The following GOSR2 variants were observed in gnomAD, a reference collection of about 807,000 sequenced individuals.
The protein encoded by GOSR2 is 27 kDa Golgi SNARE protein.
A neutral mutation model predicts 27.9 loss-of-function variants in GOSR2; 20 were observed. The ratio of observed to expected loss-of-function variants is 0.72; its 90% CI spans 0.50 to 1.04. GOSR2 has a LOEUF of 1.04. GOSR2 is among the 50% of genes least tolerant of loss of function. The pLI, the probability that GOSR2 is intolerant of heterozygous loss-of-function variation, is 0.00. For synonymous variants in GOSR2, 91 were observed against 98.8 expected, an observed-to-expected ratio of 0.92 and a Z score of 0.47; for missense variants, 261 against 270.5, an observed-to-expected ratio of 0.97 and a Z score of 0.25.
chr17:46,941,530 C>G lies in GOSR2; in HGVS notation c.*2770C>G. ...TAAAATTACATATTCCTGGGGCCTA[C>G]CCCAGATCTGAATTAGAACCTTTTT... On this transcript the variant is annotated 3_prime_UTR_variant, in exon 6 of 6. Coordinates refer to ENST00000640051, the MANE Select transcript of GOSR2 (RefSeq NM_004287.5). 1 of 412,250 alleles carries G rather than the reference C, an allele frequency of 2.4e-6. No homozygotes were observed. The highest frequency in any genetic ancestry group is 3.3e-6 in the Non-Finnish European group (1 of 306,320). 25.5% of individuals were successfully genotyped at this position (412,250 alleles called of 1,614,324 possible).
chr17:46,969,813 G>A (rs2091372310), downstream of GOSR2, among the ~76,000 whole-genome samples: 4 of 152,266 alleles, frequency 2.6e-5, no homozygotes, highest in South Asian at 8.3e-4. Flanking sequence ...AAGGCATGAG[G>A]TCCCCCAACT....
At chr17:46,934,548 GCCT>G (rs2087952839) in intron 4 of GOSR2, among the ~76,000 whole-genome samples, 1 of 152,094 alleles carries the variant, frequency 6.6e-6, no homozygotes, top group African/African-American at 2.4e-5. Flanking sequence ...CAGAAGCACA[GCCT>G]CCTCTATCCT....
At chr17:46,929,242 G>C (rs544868814) in intron 1 of GOSR2, among the ~76,000 whole-genome samples, 95 of 152,266 alleles carry the variant, frequency 6.2e-4, no homozygotes, top group African/African-American at 2.0e-3. Flanking sequence ...TATAAAATGA[G>C]GATGATAATG....
chr17:46,973,787 C>T (rs1048683015), intron 6 of GOSR2, among the ~76,000 whole-genome samples: 2 of 151,800 alleles, frequency 1.3e-5, no homozygotes, highest in African/African-American at 4.8e-5. Context: ...CCACTTAAGT[C>T]CTTTTTATTA....
chr17:46,925,211 G>C (rs547778907), intron 1 of GOSR2, among the ~76,000 whole-genome samples: 2 of 152,250 alleles, frequency 1.3e-5, no homozygotes, highest in Admixed American at 1.3e-4. Flanking sequence ...TGTTATATTG[G>C]GAAAACAGCC....
intron 6 of GOSR2, among the ~76,000 whole-genome samples, chr17:46,958,367 T>G (rs2090856413): frequency 1.3e-5 from 2 of 152,220 alleles, no homozygotes; most frequent in Admixed American, 6.5e-5. Flanking sequence ...TCCTGACAGT[T>G]GCAACAGCGG....
downstream of GOSR2, among the ~76,000 whole-genome samples, chr17:46,943,111 G>A (rs562020394): frequency 6.6e-6 from 1 of 152,294 alleles, no homozygotes; most frequent in African/African-American, 2.4e-5. Flanking sequence ...GTAGGGAGCC[G>A]ATGGCTCTAA....
rs182854481 is a variant in GOSR2 at position 46,957,345 on chromosome 17, G to T, written c.584-9189G>T. On this transcript the variant is annotated intron_variant, in intron 6 of 6. Transcript: ENST00000573224. Reference sequence around the variant, plus strand: ...AAAGAAACCCAGGCTAAGCGCTGTGGCTCACGCCTGTATTCCCAGCAATTT... The same window carrying T: ...AAAGAAACCCAGGCTAAGCGCTGTGTCTCACGCCTGTATTCCCAGCAATTT... 5.7e-4 allele frequency among the ~76,000 whole-genome samples: 87 copies of T among 152,288 alleles called. No homozygotes were observed. In the East Asian group the frequency reaches 9.8e-3, roughly 17 times the overall value.
intron 6 of GOSR2, among the ~76,000 whole-genome samples, chr17:46,963,042 T>C (rs2091154276): frequency 6.6e-6 from 1 of 152,222 alleles, no homozygotes; most frequent in South Asian, 2.1e-4. Flanking sequence ...GAAGCAGGGC[T>C]TGAATCAAGG....
At chr17:46,936,472 G>GACAC (rs1318462541) in intron 5 of GOSR2, 2 of 985,228 alleles carry the variant, frequency 2.0e-6, no homozygotes, top group Non-Finnish European at 2.4e-6. Context: ...ACTTTCCTCT[G>GACAC]CACACCTGTG....
chr17:46,928,889 C>G (rs1382998257), intron 1 of GOSR2, among the ~76,000 whole-genome samples: 1 of 152,154 alleles, frequency 6.6e-6, no homozygotes, highest in Non-Finnish European at 1.5e-5. Flanking sequence ...ATCCACATAA[C>G]TTACCTGGTT....
At position 46,935,155 on chromosome 17, in the gene GOSR2, A is replaced by G. The variant is rs2088086993; in HGVS notation, c.463A>G (p.Arg155Gly). ...HNILDGLRTQ[R>G]LTLKGTQKKI... ...TATTTTAGATGGACTGAGGACCCAG[A>G]GACTGACCTTGAAGGTGGGGTCCCT... Residue 155 changes from arginine (R) to glycine (G), a missense_variant, in exon 5 of 6, where the codon AGA becomes GGA. Physicochemically the swap from Arg to Gly is moderately radical, Grantham distance 125 (BLOSUM62 -2). Transcript: ENST00000640051. 1.9e-6 allele frequency: 3 copies of G among 1,614,144 alleles called. No homozygotes were observed. The highest frequency in any genetic ancestry group is 2.5e-6 in the Non-Finnish European group (3 of 1,179,932).
chr17:46,974,728 T>A (rs1395103039), intron 6 of GOSR2, among the ~76,000 whole-genome samples: 1 of 82,784 alleles, frequency 1.2e-5, no homozygotes, highest in Non-Finnish European at 2.6e-5. Context: ...AGCAAGACTC[T>A]CTCTCAAAAA....
chr17:46,934,360 A>G (rs2087912935), intron 4 of GOSR2, among the ~76,000 whole-genome samples: 1 of 152,128 alleles, frequency 6.6e-6, no homozygotes, highest in South Asian at 2.1e-4. Context: ...AAAAAGAGAA[A>G]GAAAGAAAGA....
Position 46,938,631 on chromosome 17 carries a change from C to G in GOSR2, c.510C>G (p.Asn170Lys), listed in dbSNP as rs34572603. 1.7e-5 allele frequency: 27 copies of G among 1,613,984 alleles called. No homozygotes were observed. The Admixed American group carries it at 2.3e-4, about 14-fold the overall frequency. The change falls in exon 6 of 6, where the codon AAC becomes AAG. Residue 170 changes from asparagine (N) to lysine (K), a missense_variant. Physicochemically the swap from Asn to Lys is moderately conservative, Grantham distance 94. Coordinates refer to ENST00000640051, the MANE Select transcript of GOSR2 (RefSeq NM_004287.5). The stretch of plus-strand genomic sequence containing the variant: ...AGAAGAAGATCCTTGACATTGCCAA[C>G]ATGCTGGGCTTGTCCAACACAGTGA... ...GTQKKILDIA[N>K]MLGLSNTVMR...
At chr17:46,933,249 A>G (rs1378701898) in intron 4 of GOSR2, 2 of 152,390 alleles carry the variant, frequency 1.3e-5, no homozygotes, top group South Asian at 2.1e-4. Context: ...CTTAATAAAC[A>G]TTGACTTGCC....
chr17:46,965,515 G>A (rs575298790), intron 6 of GOSR2, among the ~76,000 whole-genome samples: 1 of 152,320 alleles, frequency 6.6e-6, no homozygotes, highest in Non-Finnish European at 1.5e-5. Context: ...TCTGTGGACT[G>A]TGGGCTTCCC....
At chr17:46,959,806 A>G (rs1483887943) in intron 6 of GOSR2, among the ~76,000 whole-genome samples, 3 of 152,152 alleles carry the variant, frequency 2.0e-5, no homozygotes, top group Non-Finnish European at 2.9e-5. Flanking sequence ...AAGTCCTCCA[A>G]TCCTTGGAGG....
intron 2 of GOSR2, chr17:46,930,881 G>A (rs925769698): frequency 9.7e-6 from 5 of 516,470 alleles, no homozygotes; most frequent in African/African-American, 3.8e-5. Flanking sequence ...AATTGGCATT[G>A]TTATGTCATT....
Sources: allele counts gnomAD v4.1 joint callset (sites outside exome capture counted in the v4.1 genomes callset), GRCh38; gene constraint gnomAD v4.1.1; transcripts MANE v1.5; gene names NCBI Gene and HGNC (gene_info 2026-07-23, HGNC 2026-07-21).